The following PDGFD variants were observed in gnomAD, a reference collection of about 807,000 sequenced individuals.
The protein encoded by PDGFD is platelet derived growth factor D.
A neutral mutation model predicts 44.7 loss-of-function variants in PDGFD; 30 were observed. The observed-to-expected ratio is 0.67, with a 90% CI of 0.50 to 0.91. PDGFD has a LOEUF of 0.91. PDGFD is among the 40% of genes least tolerant of loss of function. PDGFD has a pLI of 0.00. For missense variants in PDGFD, 445 were observed against 457.8 expected, an observed-to-expected ratio of 0.97 and a Z score of 0.25; for synonymous variants, 173 against 168.4, an observed-to-expected ratio of 1.03 and a Z score of -0.21.
At chr11:104,119,873 C>T (rs998493065) in intron 1 of PDGFD, among the ~76,000 whole-genome samples, 18 of 70,474 alleles carry the variant, frequency 2.6e-4, no homozygotes, top group African/African-American at 6.6e-4. Flanking sequence ...TATATATAAT[C>T]AATTATTATA....
chr11:103,929,187 G>A (rs563734872), intron 5 of PDGFD, among the ~76,000 whole-genome samples: 1 of 152,280 alleles, frequency 6.6e-6, no homozygotes, highest in South Asian at 2.1e-4. Context: ...TATTTGCTAA[G>A]AGTTAACAGT....
At chr11:104,157,099 T>C (rs955081452) in intron 1 of PDGFD, among the ~76,000 whole-genome samples, 1 of 152,222 alleles carries the variant, frequency 6.6e-6, no homozygotes, top group African/African-American at 2.4e-5. Flanking sequence ...GTTACCTGCA[T>C]AATTCACATT....
At chr11:104,131,903 A>G (rs1861927623) in intron 1 of PDGFD, among the ~76,000 whole-genome samples, 1 of 151,856 alleles carries the variant, frequency 6.6e-6, no homozygotes, top group Non-Finnish European at 1.5e-5. Flanking sequence ...GAAGTCTGGT[A>G]AAGAAGAGAT....
At chr11:103,939,089 A>G (rs1356442518) in intron 5 of PDGFD, among the ~76,000 whole-genome samples, 2 of 152,090 alleles carry the variant, frequency 1.3e-5, no homozygotes, top group African/African-American at 4.8e-5. Flanking sequence ...CAATTCTGTG[A>G]AGAAAGTAAT....
chr11:104,119,935 A>C (rs1474906627), intron 1 of PDGFD, among the ~76,000 whole-genome samples: 2 of 136,932 alleles, frequency 1.5e-5, no homozygotes, highest in Admixed American at 1.6e-4. Context: ...ATATAATTAA[A>C]TTATATAATA....
intron 1 of PDGFD, among the ~76,000 whole-genome samples, chr11:104,102,686 C>CTT (rs1861406886): frequency 6.6e-6 from 1 of 152,186 alleles, no homozygotes; most frequent in East Asian, 1.9e-4. Flanking sequence ...CCCAAATGTC[C>CTT]ATCAGTGATA....
intron 1 of PDGFD, among the ~76,000 whole-genome samples, chr11:104,023,491 GA>G (rs1369159522): frequency 2.0e-5 from 3 of 150,394 alleles, no homozygotes; most frequent in Non-Finnish European, 3.0e-5. Context: ...GAGTAGAAGA[GA>G]AAAAAAAAGA....
At chr11:104,036,211 T>A (rs260801) in intron 1 of PDGFD, among the ~76,000 whole-genome samples, 4,669 of 152,000 alleles carry the variant, frequency 0.031, 254 homozygotes, top group African/African-American at 0.11. Context: ...GGCCGAAGTG[T>A]GGGGGATTGC....
At chr11:104,159,799 AT>A (rs1393056329) in intron 1 of PDGFD, among the ~76,000 whole-genome samples, 1 of 152,206 alleles carries the variant, frequency 6.6e-6, no homozygotes, top group Admixed American at 6.5e-5. Context: ...TAATAAACTC[AT>A]TATGGTCATT....
At chr11:104,129,521 G>A (rs7396344) in intron 1 of PDGFD, among the ~76,000 whole-genome samples, 19,788 of 152,034 alleles carry the variant, frequency 0.13, 1,426 homozygotes, top group East Asian at 0.29. Flanking sequence ...GGAAAACATC[G>A]TAGTATACCA....
intron 5 of PDGFD, among the ~76,000 whole-genome samples, chr11:103,933,169 G>C (rs1858432527): frequency 6.6e-6 from 1 of 152,184 alleles, no homozygotes; most frequent in African/African-American, 2.4e-5. Flanking sequence ...TGCAGCACCA[G>C]GTTTATGATG....
intron 1 of PDGFD, among the ~76,000 whole-genome samples, chr11:104,115,425 T>C (rs1861621369): frequency 6.6e-6 from 1 of 151,554 alleles, no homozygotes; most frequent in South Asian, 2.1e-4. Flanking sequence ...TTAATTTATA[T>C]ACTATATATA....
intron 1 of PDGFD, among the ~76,000 whole-genome samples, chr11:104,079,963 C>T (rs1364386164): frequency 6.6e-6 from 1 of 152,114 alleles, no homozygotes; most frequent in Non-Finnish European, 1.5e-5. Context: ...GAATTCTATG[C>T]CATGCTCTTT....
intron 1 of PDGFD, among the ~76,000 whole-genome samples, chr11:104,031,678 A>G (rs1456987285): frequency 1.3e-5 from 2 of 152,222 alleles, no homozygotes; most frequent in African/African-American, 4.8e-5. Flanking sequence ...ATTCTATTAT[A>G]AAGATATATG....
chr11:104,109,549 G>C (rs1376318817), intron 1 of PDGFD, among the ~76,000 whole-genome samples: 1 of 151,930 alleles, frequency 6.6e-6, no homozygotes, highest in Non-Finnish European at 1.5e-5. Context: ...TTTACTTCTA[G>C]GTGTATCTGT....
intron 5 of PDGFD, among the ~76,000 whole-genome samples, chr11:103,928,725 G>A (rs773080196): frequency 6.6e-6 from 1 of 152,176 alleles, no homozygotes; most frequent in African/African-American, 2.4e-5. Context: ...GTAAAGACAT[G>A]TCATAACTTT....
intron 1 of PDGFD, among the ~76,000 whole-genome samples, chr11:104,053,704 G>T (rs1031968569): frequency 2.6e-5 from 4 of 152,128 alleles, no homozygotes; most frequent in Non-Finnish European, 4.4e-5. Flanking sequence ...AACAAGAAGC[G>T]CATATATTCA....
intron 1 of PDGFD, among the ~76,000 whole-genome samples, chr11:104,056,658 C>A (rs1313179977): frequency 6.6e-6 from 1 of 152,120 alleles, no homozygotes; most frequent in Admixed American, 6.5e-5. Context: ...AACAACACAA[C>A]CCTACCAACA....
intron 3 of PDGFD, among the ~76,000 whole-genome samples, chr11:103,956,629 A>C (rs965689983): frequency 3.3e-5 from 5 of 151,954 alleles, no homozygotes; most frequent in African/African-American, 1.2e-4. Flanking sequence ...TCCCTGAGGA[A>C]TCGCCACACT....
Sources: gnomAD v4.1 joint callset for allele counts (sites outside exome capture counted in the v4.1 genomes callset) on GRCh38, gnomAD v4.1.1 for gene constraint, MANE v1.5 for transcripts, NCBI Gene and HGNC (gene_info 2026-07-23, HGNC 2026-07-21) for gene names.